FGF11: variants seen among roughly 807,000 people sequenced by gnomAD.
FGF11 encodes fibroblast growth factor homologous factor 3.
In FGF11, 25 loss-of-function variants were observed where a neutral mutation model predicts 25.1. The observed-to-expected ratio is 1.00, with a 90% CI of 0.73 to 1.39. The LOEUF (loss-of-function observed/expected upper bound fraction) is 1.39, where lower values mean the gene tolerates loss of function less well. Ranked by LOEUF, FGF11 falls within the 40% of genes most tolerant of loss-of-function variation. The pLI, the probability that FGF11 is intolerant of heterozygous loss-of-function variation, is 0.00. For missense variants in FGF11, 320 were observed against 311.0 expected (o/e 1.03, Z -0.22); for synonymous variants, 130 against 128.9 (o/e 1.01, Z -0.06).
At chr17:7,438,974 C>G (rs1004626094), upstream of FGF11, 1 of 152,088 alleles carries the variant, frequency 6.6e-6, no homozygotes, top group African/African-American at 2.4e-5. Context: ...AGGTATTATC[C>G]AGCCAGAGGG....
intron 3 of FGF11, 30 bp downstream of exon 3, chr17:7,441,909 A>G (rs1908348299): frequency 6.8e-7 from 1 of 1,477,944 alleles, no homozygotes; most frequent in Admixed American, 2.1e-5. Flanking sequence ...TGGCCGGGAA[A>G]TACTGGGGAC....
At chr17:7,441,046 G>C in intron 1 of FGF11, 1 of 753,822 alleles carries the variant, frequency 1.3e-6, no homozygotes, top group Non-Finnish European at 1.7e-6. Flanking sequence ...CCACTCCTGA[G>C]GGAGAGCCCC....
At chr17:7,441,722 G>T in intron 2 of FGF11, 54 bp from the exon 3 acceptor site, 4 of 1,559,938 alleles carry the variant, frequency 2.6e-6, no homozygotes, top group Non-Finnish European at 3.5e-6. Context: ...GATGAGGGGA[G>T]CTCAGGTGAG....
rs780740330 is a variant in FGF11, at chr17:7,440,657, G to T, written c.194-814G>T. 41 of 984,582 alleles carry T rather than the reference G, an allele frequency of 4.2e-5. No individual in the cohort carries two copies. Among genetic ancestry groups the T allele is most frequent in the Non-Finnish European group, 4.7e-5 (39 of 829,946 alleles). The allele number at this position is 984,582 out of a possible 1,614,324, so 61.0% of individuals were successfully genotyped here. A position where few individuals can be genotyped will look rare whatever the true frequency, so the allele number is the denominator to read the frequency against. ...AGTCCCTCTGGCCCTGCTCCCGCCC[G>T]CTCCCAGCTCCCCTAAGGGTAGCCA... On this transcript the variant is annotated intron_variant, in intron 1 of 4. Coordinates refer to ENST00000293829, the MANE Select transcript of FGF11 (RefSeq NM_004112.4). The surrounding 1 kb of genome is among the most constrained non-coding windows in gnomAD (Gnocchi z 5.4).
Position 7,439,675 on chromosome 17 carries a change from G to GGGGGCAGCCGGCCGGTGTC in FGF11, c.58_76dup (p.Ala26GlyfsTer111). ...GCAGAAGCGGGAGGTCCGCGAGCCC[G>GGGGGCAGCCGGCCGGTGTC]GGGGCAGCCGGCCGGTGTCGGCGCA... On this transcript the variant is annotated frameshift_variant, in exon 1 of 5. Transcript: ENST00000293829. LOFTEE classifies it high-confidence loss of function. 6.5e-7 allele frequency: 1 copy of GGGGGCAGCCGGCCGGTGTC among 1,532,016 alleles called. No individual in the cohort carries two copies. The highest frequency in any genetic ancestry group is 8.7e-7 in the Non-Finnish European group (1 of 1,146,616). The allele number at this position is 1,532,016 out of a possible 1,614,324, so 94.9% of individuals were successfully genotyped here.
In FGF11 at chr17:7,440,826, C is replaced by T; in HGVS notation, c.194-645C>T. On this transcript the variant is annotated intron_variant, in intron 1 of 4. Coordinates refer to ENST00000293829, the MANE Select transcript of FGF11 (RefSeq NM_004112.4). This position sits in a 1 kb window ranked among gnomAD's most constrained non-coding sequence, Gnocchi z 5.4. The stretch of plus-strand genomic sequence containing the variant: ...ACCCCCCATATCCTTGGTAAGGTCC[C>T]CCTTACCCCAGGCGAGTTACCTGGC... The T allele has an allele frequency of 1.0e-6, 1 of 988,462 alleles. No individual in the cohort carries two copies. Among genetic ancestry groups the T allele is most frequent in the Non-Finnish European group, 1.2e-6 (1 of 831,752 alleles). 61.2% of individuals were successfully genotyped at this position (988,462 alleles called of 1,614,324 possible).
In FGF11 at chr17:7,443,109, TC is replaced by T. The variant is rs1908415213; in HGVS notation, c.645del (p.Glu216ArgfsTer13). The T allele has an allele frequency of 6.2e-7, 1 of 1,612,452 alleles. No homozygotes were observed. The highest frequency in any genetic ancestry group is 8.5e-7 in the Non-Finnish European group (1 of 1,178,762). On this transcript the variant is annotated frameshift_variant, in exon 5 of 5. Coordinates refer to ENST00000293829, the MANE Select transcript of FGF11 (RefSeq NM_004112.4). LOFTEE classifies it high-confidence loss of function. ...TACCAGGAGCCTTCTCTCCACAGTGTCCCCGAGGCCTCCCCTTCCAGTCCCC... is the reference window on the plus strand; with the variant it reads ...TACCAGGAGCCTTCTCTCCACAGTGTCCCGAGGCCTCCCCTTCCAGTCCCC... ...AMYQEPSLHS[V>X]PEASPSSPPA...
chr17:7,443,050 T>G (rs1325505828), intron 4 of FGF11, 26 bp from the exon 5 acceptor site: 2 of 1,583,762 alleles, frequency 1.3e-6, no homozygotes, highest in South Asian at 2.2e-5. Flanking sequence ...TCTCCTTCCC[T>G]GCTCCTCTCT....
chr17:7,439,822 G>A lies in FGF11; in HGVS notation c.193+9G>A, dbSNP rs1343508931. 3 of 1,415,298 alleles carry A rather than the reference G, an allele frequency of 2.1e-6. No individual in the cohort carries two copies. Among genetic ancestry groups the A allele is most frequent in the African/African-American group, 3.0e-5 (2 of 65,804 alleles). The allele number at this position is 1,415,298 out of a possible 1,614,324, so 87.7% of individuals were successfully genotyped here. ...GCCGGACCGCGGCCCGGGTGAGTGCGGCTGGGGCGGGGTCTCCCGGCCAGA... is the reference window on the plus strand; with the variant it reads ...GCCGGACCGCGGCCCGGGTGAGTGCAGCTGGGGCGGGGTCTCCCGGCCAGA... On this transcript the variant is annotated intron_variant, in intron 1 of 4. Coordinates refer to ENST00000293829, the MANE Select transcript of FGF11 (RefSeq NM_004112.4).
Position 7,443,188 on chromosome 17 carries a change from G to A in FGF11, c.*42G>A, listed in dbSNP as rs368064389. On this transcript the variant is annotated 3_prime_UTR_variant, in exon 5 of 5. Coordinates refer to ENST00000293829, the MANE Select transcript of FGF11 (RefSeq NM_004112.4). ...TGGAGGTTCCCTGCACTCCCAGTGAGCCAGCCACCACCACAACCTGTCTCC... is the reference window on the plus strand; with the variant it reads ...TGGAGGTTCCCTGCACTCCCAGTGAACCAGCCACCACCACAACCTGTCTCC... 78 of 1,269,368 alleles carry A rather than the reference G, an allele frequency of 6.1e-5. No homozygotes were observed. The highest frequency in any genetic ancestry group is 8.1e-5 in the Non-Finnish European group (71 of 879,646). 78.6% of individuals were successfully genotyped at this position (1,269,368 alleles called of 1,614,324 possible).
chr17:7,443,168 G>A lies in FGF11; in HGVS notation c.*22G>A. 1 of 1,506,566 alleles carries A rather than the reference G, an allele frequency of 6.6e-7. No individual in the cohort carries two copies. The highest frequency in any genetic ancestry group is 9.2e-7 in the Non-Finnish European group (1 of 1,089,602). The allele number at this position is 1,506,566 out of a possible 1,614,324, so 93.3% of individuals were successfully genotyped here. Reference sequence around the variant, plus strand: ...CTGAAATGTAGTCCCTGGACTGGAGGTTCCCTGCACTCCCAGTGAGCCAGC... The same window carrying A: ...CTGAAATGTAGTCCCTGGACTGGAGATTCCCTGCACTCCCAGTGAGCCAGC... On this transcript the variant is annotated 3_prime_UTR_variant, in exon 5 of 5. Transcript: ENST00000293829.
At chr17:7,439,466 G>C (rs865906808), upstream of FGF11, 21 of 343,378 alleles carry the variant, frequency 6.1e-5, no homozygotes, top group South Asian at 3.9e-4. Flanking sequence ...GGGTACGTGA[G>C]GGGGGGGGTC....
At chr17:7,441,269 T>C in intron 1 of FGF11, 6 of 626,414 alleles carry the variant, frequency 9.6e-6, no homozygotes, top group Non-Finnish European at 5.4e-6. Context: ...CTCCTGGTTA[T>C]AGGAAACAGA....
chr17:7,441,920 T>A, intron 3 of FGF11, 41 bp downstream of exon 3: 1 of 1,413,382 alleles, frequency 7.1e-7, no homozygotes, highest in South Asian at 1.3e-5. Flanking sequence ...TACTGGGGAC[T>A]CCCCTTCCTC....
Position 7,440,344 on chromosome 17 carries a change from C to T in FGF11, c.193+531C>T, listed in dbSNP as rs1301526398. 6.5e-6 allele frequency: 1 copy of T among 152,686 alleles called. No homozygotes were observed. The highest frequency in any genetic ancestry group is 1.5e-5 in the Non-Finnish European group (1 of 68,488). The allele number at this position is 152,686 out of a possible 1,614,324, so 9.5% of individuals were successfully genotyped here. ...AGCTCTCCCTCGGGTGTCCTTGCAGCTACCTCGCCAGCCAGCCCTCTATGC... is the reference window on the plus strand; with the variant it reads ...AGCTCTCCCTCGGGTGTCCTTGCAGTTACCTCGCCAGCCAGCCCTCTATGC... On this transcript the variant is annotated intron_variant, in intron 1 of 4. Transcript: ENST00000293829. This position sits in a 1 kb window ranked among gnomAD's most constrained non-coding sequence, Gnocchi z 5.4.
intron 3 of FGF11, 80 bp from the exon 4 acceptor site, chr17:7,442,514 C>T: frequency 1.2e-6 from 2 of 1,601,126 alleles, no homozygotes; most frequent in Non-Finnish European, 1.7e-6. Flanking sequence ...TTTGTGCTTT[C>T]CATGAGCTCC....
chr17:7,443,057 C>T lies in FGF11; in HGVS notation c.608-19C>T. 6.2e-7 allele frequency: 1 copy of T among 1,602,024 alleles called. No individual in the cohort carries two copies. Among genetic ancestry groups the T allele is most frequent in the Non-Finnish European group, 8.5e-7 (1 of 1,170,006 alleles). On this transcript the variant is annotated intron_variant, in intron 4 of 4. Transcript: ENST00000293829. ...TGCCTAACTCTCCTTCCCTGCTCCTCTCTTTCTCCCCTTCACAGTGGCCAT... is the reference window on the plus strand; with the variant it reads ...TGCCTAACTCTCCTTCCCTGCTCCTTTCTTTCTCCCCTTCACAGTGGCCAT...
chr17:7,441,372 T>C, intron 1 of FGF11, 99 bp from the exon 2 acceptor site: 1 of 1,517,260 alleles, frequency 6.6e-7, no homozygotes, highest in Non-Finnish European at 8.9e-7. Flanking sequence ...ACCCTCTTCC[T>C]TCCTTTCATT....
intron 1 of FGF11, 142 bp from the exon 2 acceptor site, chr17:7,441,329 G>A (rs997817553): frequency 3.9e-5 from 44 of 1,128,660 alleles, no homozygotes; most frequent in East Asian, 5.2e-5. Context: ...GGGAGAGAGC[G>A]TGCTTGGAGG....
Sources: gnomAD v4.1 joint callset for allele counts on GRCh38, gnomAD v4.1.1 for gene constraint, Gnocchi (gnomAD v3.1) non-coding constraint, MANE v1.5 for transcripts, NCBI Gene and HGNC (gene_info 2026-07-23, HGNC 2026-07-21) for gene names.